The following POLR1D variants were observed in gnomAD, a reference collection of about 807,000 sequenced individuals.
POLR1D encodes the protein DNA-directed RNA polymerases I and III subunit RPAC2.
Under a neutral mutation model 10.8 loss-of-function variants are expected in POLR1D, and 8 were observed. The observed-to-expected ratio is 0.74, with a 90% CI of 0.43 to 1.33. The LOEUF (loss-of-function observed/expected upper bound fraction) is 1.33, where lower values mean the gene tolerates loss of function less well. Among genes scored for constraint, POLR1D ranks in the 40% most tolerant of loss-of-function variants. The pLI is 0.01. For missense variants in POLR1D, 152 were observed against 161.7 expected (o/e 0.94, Z 0.32); for synonymous variants, 54 against 57.2 (o/e 0.94, Z 0.25).
chr13:27,663,589 G>A lies in POLR1D; in HGVS notation c.102-2097G>A, dbSNP rs1433631311. Among the ~76,000 whole-genome samples, 1 of 152,196 alleles carries A rather than the reference G, an allele frequency of 6.6e-6. No homozygotes were observed. Among genetic ancestry groups the A allele is most frequent in the East Asian group, 1.9e-4 (1 of 5,200 alleles). ...ATGCTGCAGTTAGTAGCAGGGCTTT[G>A]CTCACCTCGAGGAAGCATTTGGTTT... On this transcript the variant is annotated intron_variant, in intron 2 of 2. Transcript: ENST00000399697. This position sits in a 1 kb window ranked among gnomAD's most constrained non-coding sequence, Gnocchi z 4.1.
intron 1 of POLR1D, among the ~76,000 whole-genome samples, chr13:27,640,070 C>T (rs1253493670): frequency 1.3e-5 from 2 of 152,026 alleles, no homozygotes; most frequent in African/African-American, 4.8e-5. Context: ...ATCTATGAAA[C>T]GGTAGCTACA....
At chr13:27,652,255 C>G (rs1181660702) in intron 2 of POLR1D, among the ~76,000 whole-genome samples, 1 of 152,212 alleles carries the variant, frequency 6.6e-6, no homozygotes, top group Non-Finnish European at 1.5e-5. Context: ...TTTATCCTGA[C>G]AACTTTAGTA....
intron 1 of POLR1D, chr13:27,648,029 G>C (rs991905928): frequency 5.0e-6 from 1 of 200,684 alleles, no homozygotes; most frequent in Non-Finnish European, 1.0e-5. Context: ...TTGAATAACA[G>C]TGAATTTGAA....
chr13:27,666,042 AC>A lies in POLR1D; in HGVS notation c.*91del, dbSNP rs1956415150. 5 of 1,194,992 alleles carry A rather than the reference AC, an allele frequency of 4.2e-6. No homozygotes were observed. The South Asian group carries it at 6.7e-5, about 16-fold the overall frequency. The allele number at this position is 1,194,992 out of a possible 1,614,324, so 74.0% of individuals were successfully genotyped here. On this transcript the variant is annotated 3_prime_UTR_variant, in exon 3 of 3. Transcript: ENST00000399697. ...GAAGGCCTGAGCTGGCAGGGCAAACACCTGAGAGTGACTTTGACATTAGGTC... is the reference window on the plus strand; with the variant it reads ...GAAGGCCTGAGCTGGCAGGGCAAACACTGAGAGTGACTTTGACATTAGGTC...
At chr13:27,667,140 G>A (rs1956425847) in exon 3 of POLR1D, 1 of 152,080 alleles carries the variant, frequency 6.6e-6, no homozygotes, top group African/African-American at 2.4e-5. Flanking sequence ...AGCCTGCTAG[G>A]GAGTGACAAG....
At position 27,621,950 on chromosome 13, in the gene POLR1D, A is replaced by G. The variant is rs545965891; in HGVS notation, c.-34A>G. The G allele has an allele frequency of 3.2e-6, 5 of 1,582,948 alleles. No homozygotes were observed. Among genetic ancestry groups the G allele is most frequent in the Non-Finnish European group, 4.3e-6 (5 of 1,164,180 alleles). On this transcript the variant is annotated 5_prime_UTR_variant, in exon 1 of 2. Coordinates refer to ENST00000302979, the MANE Select transcript of POLR1D (RefSeq NM_015972.4). ...TATGGGACAGAGCCCCCGATCCGCC[A>G]GCACCACCTGAGGATCCAGAAACCG...
intron 1 of POLR1D, among the ~76,000 whole-genome samples, chr13:27,647,006 A>G (rs1174499163): frequency 1.3e-5 from 2 of 152,208 alleles, no homozygotes; most frequent in African/African-American, 2.4e-5. Flanking sequence ...GACTCTATAT[A>G]ATTATCCAGC....
At chr13:27,635,140 C>T (rs1175797838) in intron 1 of POLR1D, among the ~76,000 whole-genome samples, 1 of 152,108 alleles carries the variant, frequency 6.6e-6, no homozygotes, top group African/African-American at 2.4e-5. Context: ...AAATCTTAAA[C>T]ATGAAAAGAA....
chr13:27,632,611 G>T (rs1956085512), intron 1 of POLR1D, among the ~76,000 whole-genome samples: 1 of 151,944 alleles, frequency 6.6e-6, no homozygotes, highest in African/African-American at 2.4e-5. Flanking sequence ...GTCATTTCTT[G>T]TAACTCTTTT....
chr13:27,643,599 A>G (rs906744476), intron 1 of POLR1D, among the ~76,000 whole-genome samples: 3 of 152,094 alleles, frequency 2.0e-5, no homozygotes, highest in Admixed American at 2.0e-4. Context: ...TGATCTGATC[A>G]TCTGTCTATA....
chr13:27,630,527 A>G (rs1006387846), intron 1 of POLR1D, among the ~76,000 whole-genome samples: 29 of 152,088 alleles, frequency 1.9e-4, no homozygotes, highest in African/African-American at 6.8e-4. Context: ...AGTGTTGTGT[A>G]GAGGCGAAGG....
rs2232681 is a variant in POLR1D at position 27,622,027 on chromosome 13, G to A, written c.26+18G>A. 1.2e-4 allele frequency: 193 copies of A among 1,576,560 alleles called. No homozygotes were observed. The African/African-American group carries it at 2.1e-3, about 17-fold the overall frequency. ...CTGGAGAGGTAACGGCCGAGGAGGA[G>A]GCGGGCGGAGCGGGCCGCGCCCAAG... is the stretch of plus-strand genomic sequence containing the variant. On this transcript the variant is annotated intron_variant, in intron 1 of 1. Transcript: ENST00000302979.
At chr13:27,662,281 C>T (rs1168677402) in intron 2 of POLR1D, among the ~76,000 whole-genome samples, 1 of 151,962 alleles carries the variant, frequency 6.6e-6, no homozygotes, top group African/African-American at 2.4e-5. Context: ...TTTCTAAAAC[C>T]TTTGTATCCA....
At chr13:27,622,521 T>G in intron 1 of POLR1D, 1 of 309,264 alleles carries the variant, frequency 3.2e-6, no homozygotes, top group Non-Finnish European at 6.1e-6. Context: ...TCGGGATTTC[T>G]ATGCCTTTCA....
downstream of POLR1D, among the ~76,000 whole-genome samples, chr13:27,625,576 C>T (rs1956000441): frequency 6.6e-6 from 1 of 151,364 alleles, no homozygotes; most frequent in Non-Finnish European, 1.5e-5. Context: ...TAAGCAGTGG[C>T]TATGTGAGTT....
chr13:27,623,337 C>T lies in POLR1D; in HGVS notation c.*87C>T. ...ACCCAGAATTAGAAGTTTGTGGTTA[C>T]AGCATACTCTGTCCTTCAGAAAGGC... On this transcript the variant is annotated 3_prime_UTR_variant, in exon 2 of 2. Transcript: ENST00000302979. 1.3e-6 allele frequency: 2 copies of T among 1,588,468 alleles called. No homozygotes were observed. The highest frequency in any genetic ancestry group is 1.1e-5 in the South Asian group (1 of 87,872).
intron 2 of POLR1D, among the ~76,000 whole-genome samples, chr13:27,655,974 A>G (rs1344233516): frequency 6.6e-6 from 1 of 152,206 alleles, no homozygotes; most frequent in African/African-American, 2.4e-5. Context: ...ATTATTTAGT[A>G]AGTGATGCTG....
Position 27,623,278 on chromosome 13 carries a change from G to C in POLR1D, c.*28G>C, listed in dbSNP as rs772974457. ...CTTTATGCAGTATACAAGGAGAACT[G>C]TCCTGTAGGATATTCTCTTCCTGAT... is the stretch of plus-strand genomic sequence containing the variant. On this transcript the variant is annotated 3_prime_UTR_variant, in exon 2 of 2. Transcript: ENST00000302979. The C allele has an allele frequency of 3.7e-6, 6 of 1,612,502 alleles. No homozygotes were observed. Among genetic ancestry groups the C allele is most frequent in the Non-Finnish European group, 8.5e-7 (1 of 1,179,688 alleles).
downstream of POLR1D, among the ~76,000 whole-genome samples, chr13:27,624,060 A>G (rs940857705): frequency 2.0e-5 from 3 of 152,140 alleles, no homozygotes; most frequent in East Asian, 1.9e-4. Context: ...AAAATTCCAT[A>G]TAGGGGAAAT....
Sources: allele counts gnomAD v4.1 joint callset (sites outside exome capture counted in the v4.1 genomes callset), GRCh38; gene constraint gnomAD v4.1.1; non-coding constraint Gnocchi (gnomAD v3.1); transcripts MANE v1.5; gene names NCBI Gene and HGNC (gene_info 2026-07-23, HGNC 2026-07-21).